CDKL4: variants seen among roughly 807,000 people sequenced by gnomAD.
CDKL4 encodes the protein cyclin-dependent kinase-like 4.
A neutral mutation model predicts 42.0 loss-of-function variants in CDKL4; 44 were observed. That is an observed-to-expected ratio of 1.05 (90% CI 0.82 to 1.35). The LOEUF (loss-of-function observed/expected upper bound fraction) is 1.35, where lower values mean the gene tolerates loss of function less well. CDKL4 is among the 40% of genes most tolerant of loss of function. CDKL4 has a pLI of 0.00. For missense variants in CDKL4, 393 were observed against 369.9 expected (o/e 1.06, Z -0.51); for synonymous variants, 120 against 121.6 (o/e 0.99, Z 0.09).
At chr2:39,198,875 C>G (rs1321489298) in intron 5 of CDKL4, among the ~76,000 whole-genome samples, 1 of 151,880 alleles carries the variant, frequency 6.6e-6, no homozygotes, top group African/African-American at 2.4e-5. Flanking sequence ...ATGCCTACAT[C>G]AAAAAGTCTG....
chr2:39,219,207 C>T (rs1206491329), intron 3 of CDKL4, among the ~76,000 whole-genome samples: 3 of 152,140 alleles, frequency 2.0e-5, no homozygotes, highest in Admixed American at 1.3e-4. Flanking sequence ...CTCTTTCTCT[C>T]TGAACTAGCT....
intron 8 of CDKL4, 27 bp from the exon 9 acceptor site, chr2:39,179,348 G>T: frequency 6.5e-7 from 1 of 1,542,392 alleles, no homozygotes; most frequent in East Asian, 2.3e-5. Context: ...TAGCAAAGAA[G>T]ATGTTAAGGG....
rs115490344 is a variant in CDKL4 at position 39,189,710 on chromosome 2, G to T, written c.652+595C>A. ...TCAAAAAAGATTTTTTGATATTGTT[G>T]CACGTGAAAACTACAATAAATTAAA... On this transcript the variant is annotated intron_variant, in intron 6 of 9. Coordinates refer to ENST00000451199, the Ensembl canonical transcript of CDKL4. 7.6e-3 allele frequency among the ~76,000 whole-genome samples: 1,151 copies of T among 152,212 alleles called. 17 individuals carry two copies. Among genetic ancestry groups the T allele is most frequent in the African/African-American group, 0.027 (1,106 of 41,514 alleles).
chr2:39,220,151 T>C (rs148281560), intron 3 of CDKL4, among the ~76,000 whole-genome samples: 1 of 152,314 alleles, frequency 6.6e-6, no homozygotes, highest in Non-Finnish European at 1.5e-5. Flanking sequence ...GTCCAGGAAT[T>C]GGAATGTGAC....
intron 4 of CDKL4, 74 bp downstream of exon 4, chr2:39,213,326 C>T (rs190014473): frequency 1.9e-6 from 2 of 1,036,890 alleles, no homozygotes; most frequent in East Asian, 4.9e-5. Flanking sequence ...GCTCTCCAAA[C>T]AAAACCCTGA....
intron 1 of CDKL4, among the ~76,000 whole-genome samples, chr2:39,231,784 G>T (rs1049206105): frequency 6.6e-6 from 1 of 152,228 alleles, no homozygotes; most frequent in Non-Finnish European, 1.5e-5. Context: ...GGGAGCATTG[G>T]CTCATGCCTG....
chr2:39,246,805 A>G (rs552119282), upstream of CDKL4, among the ~76,000 whole-genome samples: 2 of 152,164 alleles, frequency 1.3e-5, no homozygotes, highest in East Asian at 3.9e-4. Context: ...GTGCAGTGTC[A>G]CAATCATAGC....
At chr2:39,224,664 C>T (rs1470883375) in intron 3 of CDKL4, among the ~76,000 whole-genome samples, 1 of 151,806 alleles carries the variant, frequency 6.6e-6, no homozygotes, top group African/African-American at 2.4e-5. Context: ...CAACCACACC[C>T]AGGTAATTTT....
chr2:39,224,573 G>A (rs1384226401), intron 3 of CDKL4, among the ~76,000 whole-genome samples: 2 of 145,884 alleles, frequency 1.4e-5, no homozygotes, highest in African/African-American at 5.1e-5. Flanking sequence ...GTGTGATCTC[G>A]GCTCACTGCA....
At chr2:39,172,232 A>G (rs1427480742), downstream of CDKL4, among the ~76,000 whole-genome samples, 1 of 151,044 alleles carries the variant, frequency 6.6e-6, no homozygotes, top group African/African-American at 2.4e-5. Flanking sequence ...GAATCATTTG[A>G]CCCCGGGAGG....
intron 1 of CDKL4, 137 bp from the exon 2 acceptor site, chr2:39,229,725 ATTATT>A (rs1678977153): frequency 2.2e-6 from 1 of 452,672 alleles, no homozygotes; most frequent in Non-Finnish European, 3.8e-6. Context: ...ATATTTGGAT[ATTATT>A]TTGTTAGTTT....
chr2:39,246,772 C>A (rs1485010768), upstream of CDKL4, among the ~76,000 whole-genome samples: 1 of 151,980 alleles, frequency 6.6e-6, no homozygotes, highest in African/African-American at 2.4e-5. Flanking sequence ...GAAACAGAGG[C>A]TCACTCTGTT....
chr2:39,217,613 C>T (rs1678009346), intron 3 of CDKL4, among the ~76,000 whole-genome samples: 1 of 152,274 alleles, frequency 6.6e-6, no homozygotes, highest in East Asian at 1.9e-4. Flanking sequence ...CATTTCCCTT[C>T]CCAACTTTAT....
chr2:39,223,823 C>T (rs1678527935), intron 3 of CDKL4, among the ~76,000 whole-genome samples: 1 of 152,068 alleles, frequency 6.6e-6, no homozygotes, highest in Admixed American at 6.6e-5. Flanking sequence ...GTCTTGAACT[C>T]CCAAGCTCAG....
At chr2:39,180,686 CTTTTTT>C (rs1167370938) in intron 8 of CDKL4, among the ~76,000 whole-genome samples, 1 of 121,080 alleles carries the variant, frequency 8.3e-6, no homozygotes, top group African/African-American at 3.4e-5. Context: ...GAGAGAAAGA[CTTTTTT>C]TTTTTTTTTT....
At chr2:39,194,813 AC>A (rs1401980013) in intron 5 of CDKL4, among the ~76,000 whole-genome samples, 1 of 152,218 alleles carries the variant, frequency 6.6e-6, no homozygotes, top group Non-Finnish European at 1.5e-5. Context: ...GTGGTAAAAT[AC>A]ACATAATATA....
intron 7 of CDKL4, among the ~76,000 whole-genome samples, chr2:39,186,747 C>CA (rs1553381557): frequency 2.7e-4 from 41 of 151,286 alleles, no homozygotes; most frequent in African/African-American, 7.8e-4. Context: ...ATTTTAAATG[C>CA]TTTTTTTTTC....
chr2:39,225,455 A>T (rs1176963307), intron 3 of CDKL4, among the ~76,000 whole-genome samples: 1 of 152,126 alleles, frequency 6.6e-6, no homozygotes, highest in Admixed American at 6.6e-5. Context: ...TTAAAAAAAA[A>T]TCAGGAAAGG....
intron 5 of CDKL4, among the ~76,000 whole-genome samples, chr2:39,193,657 G>A (rs1267053506): frequency 1.3e-5 from 2 of 152,186 alleles, no homozygotes; most frequent in Admixed American, 6.5e-5. Flanking sequence ...TTATAGGCAT[G>A]AGCCACTGTG....
Sources: allele counts gnomAD v4.1 joint callset (sites outside exome capture counted in the v4.1 genomes callset), GRCh38; gene constraint gnomAD v4.1.1; transcripts MANE v1.5; gene names NCBI Gene and HGNC (gene_info 2026-07-23, HGNC 2026-07-21).